Variants in NFATC1 observed in about 807,000 individuals in gnomAD.
NFATC1 encodes nuclear factor of activated T-cells, cytoplasmic 1.
In NFATC1, 22 loss-of-function variants were observed where a neutral mutation model predicts 76.0. The observed-to-expected ratio is 0.29, with a 90% CI of 0.21 to 0.41. The LOEUF is 0.41. NFATC1 is among the 10% of genes least tolerant of loss of function. The pLI, the probability that NFATC1 is intolerant of heterozygous loss-of-function variation, is 1.00. For synonymous variants in NFATC1, 704 were observed against 613.1 expected (o/e 1.15, Z -2.19); for missense variants, 1,357 against 1,337.7 (o/e 1.01, Z -0.23).
At chr18:79,485,202 A>G (rs1376242761) in intron 8 of NFATC1, among the ~76,000 whole-genome samples, 1 of 152,172 alleles carries the variant, frequency 6.6e-6, no homozygotes, top group African/African-American at 2.4e-5. Flanking sequence ...AAAACCCACC[A>G]GTGTGCAGCC....
chr18:79,435,379 C>A (rs2086738776), intron 3 of NFATC1, among the ~76,000 whole-genome samples: 2 of 146,834 alleles, frequency 1.4e-5, no homozygotes, highest in Non-Finnish European at 3.0e-5. Flanking sequence ...GAGACGGAGT[C>A]TCGCTCTCAC....
chr18:79,419,129 C>T (rs987912860), intron 2 of NFATC1, among the ~76,000 whole-genome samples: 1 of 152,116 alleles, frequency 6.6e-6, no homozygotes, highest in Non-Finnish European at 1.5e-5. Context: ...GCTCAGGTGA[C>T]CCTCCCACCT....
At chr18:79,452,370 C>T (rs1485891737) in intron 6 of NFATC1, among the ~76,000 whole-genome samples, 3 of 152,176 alleles carry the variant, frequency 2.0e-5, no homozygotes, top group East Asian at 1.9e-4. Flanking sequence ...CCAGGTGTTG[C>T]GCTGGCCCAG....
At chr18:79,483,182 TAATTC>T (rs2089359587) in intron 8 of NFATC1, among the ~76,000 whole-genome samples, 1 of 101,434 alleles carries the variant, frequency 9.9e-6, no homozygotes, top group South Asian at 4.1e-4. Context: ...TCCTGGGGTG[TAATTC>T]CAGCGTGACC....
At chr18:79,447,444 CA>C (rs2087258516) in intron 3 of NFATC1, among the ~76,000 whole-genome samples, 1 of 149,870 alleles carries the variant, frequency 6.7e-6, no homozygotes, top group African/African-American at 2.4e-5. Context: ...CGTCTGTGGT[CA>C]AAGATTTTAA....
intron 3 of NFATC1, among the ~76,000 whole-genome samples, chr18:79,443,082 G>C (rs566869532): frequency 6.6e-6 from 1 of 152,110 alleles, no homozygotes; most frequent in African/African-American, 2.4e-5. Context: ...TTTTTCAGTC[G>C]CGGCTGGAAG....
rs1212146996 is a variant in NFATC1 at position 79,524,233 on chromosome 18, C to T, written c.2783-3295C>T. Among the ~76,000 whole-genome samples the T allele has an allele frequency of 6.6e-6, 1 of 152,216 alleles. No individual in the cohort carries two copies. The highest frequency in any genetic ancestry group is 2.4e-5 in the African/African-American group (1 of 41,462). ...GAGCCACATGGCCTCAGACCAACCC[C>T]AGGATGGGCCCGTTGTCCACCTGTG... On this transcript the variant is annotated intron_variant, in intron 9 of 9. Transcript: ENST00000427363. This position sits in a 1 kb window ranked among gnomAD's most constrained non-coding sequence, Gnocchi z 7.2.
Position 79,400,385 on chromosome 18 carries a change from A to ACCCGC in NFATC1, c.127+4036_127+4040dup, listed in dbSNP as rs749645871. On this transcript the variant is annotated intron_variant, in intron 1 of 9. Coordinates refer to ENST00000427363, the MANE Select transcript of NFATC1 (RefSeq NM_001278669.2). ...CGGCTCCCGCCCCGGCCCCGGCCCG[A>ACCCGC]CCCGCCATGACGGGGCTGGAGGACC... is the stretch of plus-strand genomic sequence containing the variant. 2,715 of 1,044,608 alleles carry ACCCGC rather than the reference A, an allele frequency of 2.6e-3. 30 individuals carry two copies. In the African/African-American group the frequency reaches 0.035, roughly 14 times the overall value. 64.7% of individuals were successfully genotyped at this position (1,044,608 alleles called of 1,614,324 possible).
rs1208913831 is a variant in NFATC1, at chr18:79,400,268, C to A, written c.127+3917C>A. ...CCGGAAACGCCCCGGGGGGCGGGGG[C>A]GGGGCGGGGACGGGGGGAGGGGCGG... On this transcript the variant is annotated intron_variant, in intron 1 of 9. Transcript: ENST00000427363. 5.2e-6 allele frequency: 5 copies of A among 968,846 alleles called. No individual in the cohort carries two copies. The South Asian group carries it at 1.3e-4, about 26-fold the overall frequency. The allele number at this position is 968,846 out of a possible 1,614,324, so 60.0% of individuals were successfully genotyped here.
chr18:79,481,103 G>T (rs115554373), intron 8 of NFATC1, among the ~76,000 whole-genome samples: 1 of 152,246 alleles, frequency 6.6e-6, no homozygotes, highest in Non-Finnish European at 1.5e-5. Flanking sequence ...TCTCAAAGGC[G>T]CAGGCCTGAG....
intron 1 of NFATC1, among the ~76,000 whole-genome samples, chr18:79,409,527 A>G (rs558295296): frequency 1.3e-4 from 19 of 150,158 alleles, no homozygotes; most frequent in African/African-American, 4.5e-4. Flanking sequence ...CCATCCATCC[A>G]TCATCCATCC....
chr18:79,477,270 A>G (rs1251825409), intron 8 of NFATC1, among the ~76,000 whole-genome samples: 2 of 152,210 alleles, frequency 1.3e-5, no homozygotes, highest in Non-Finnish European at 2.9e-5. Flanking sequence ...TTTGTTTTCC[A>G]GGGGTTTAGA....
At chr18:79,510,333 A>G (rs1181102521) in intron 9 of NFATC1, among the ~76,000 whole-genome samples, 2 of 152,218 alleles carry the variant, frequency 1.3e-5, no homozygotes, top group Middle Eastern at 3.2e-3. Context: ...CTAAAAAAAA[A>G]CCACATATGG....
At chr18:79,452,344 C>CAG (rs1323571385) in intron 6 of NFATC1, among the ~76,000 whole-genome samples, 3 of 152,208 alleles carry the variant, frequency 2.0e-5, no homozygotes, top group African/African-American at 7.2e-5. Flanking sequence ...CCCAAGGGCA[C>CAG]AGGTCACCCC....
chr18:79,412,194 C>T (rs1334379758), intron 2 of NFATC1, among the ~76,000 whole-genome samples: 2 of 152,220 alleles, frequency 1.3e-5, no homozygotes, highest in Non-Finnish European at 2.9e-5. Flanking sequence ...CCGCTGGGTC[C>T]ACTTAACCAG....
intron 8 of NFATC1, among the ~76,000 whole-genome samples, chr18:79,472,995 A>G (rs2088848360): frequency 6.6e-6 from 1 of 152,184 alleles, no homozygotes; most frequent in South Asian, 2.1e-4. Context: ...CTGCACAGGA[A>G]CCAGGGTGGC....
intron 8 of NFATC1, chr18:79,469,574 C>T (rs1367972554): frequency 1.0e-6 from 1 of 985,788 alleles, no homozygotes; most frequent in Admixed American, 6.2e-5. Flanking sequence ...CCCGGCTCCC[C>T]TCTCAGCATT....
intron 2 of NFATC1, among the ~76,000 whole-genome samples, chr18:79,414,659 A>G (rs1410414923): frequency 6.6e-6 from 1 of 152,202 alleles, no homozygotes; most frequent in Non-Finnish European, 1.5e-5. Context: ...GTCTATTGTC[A>G]AAGCTTGGGG....
At chr18:79,483,147 G>A (rs1464576531) in intron 8 of NFATC1, among the ~76,000 whole-genome samples, 1 of 101,520 alleles carries the variant, frequency 9.9e-6, no homozygotes, top group Non-Finnish European at 2.1e-5. Flanking sequence ...CTGGTTCCTG[G>A]GGTGTAATTC....
Sources: allele counts gnomAD v4.1 joint callset (sites outside exome capture counted in the v4.1 genomes callset), GRCh38; gene constraint gnomAD v4.1.1; non-coding constraint Gnocchi (gnomAD v3.1); transcripts MANE v1.5; gene names NCBI Gene and HGNC (gene_info 2026-07-23, HGNC 2026-07-21).